STXBP6: variants seen among roughly 807,000 people sequenced by gnomAD.
STXBP6 encodes syntaxin-binding protein 6.
A neutral mutation model predicts 26.9 loss-of-function variants in STXBP6; 21 were observed. The ratio of observed to expected loss-of-function variants is 0.78; its 90% CI spans 0.55 to 1.12. The LOEUF (loss-of-function observed/expected upper bound fraction) is 1.12. STXBP6 is among the 50% of genes most tolerant of loss of function. STXBP6 has a pLI of 0.00. For missense variants in STXBP6, 232 were observed against 257.9 expected, an observed-to-expected ratio of 0.90 and a Z score of 0.69; for synonymous variants, 97 against 92.6, an observed-to-expected ratio of 1.05 and a Z score of -0.27.
intron 1 of STXBP6, among the ~76,000 whole-genome samples, chr14:25,037,247 G>A (rs1411781811): frequency 6.6e-6 from 1 of 152,130 alleles, no homozygotes; most frequent in Non-Finnish European, 1.5e-5. Context: ...GAGAGCTCCT[G>A]GGACTCTGAA....
chr14:24,998,705 G>A (rs1011037799), intron 1 of STXBP6, among the ~76,000 whole-genome samples: 3 of 152,192 alleles, frequency 2.0e-5, no homozygotes, highest in African/African-American at 7.2e-5. Flanking sequence ...AGACACTGAA[G>A]ATGTAAGTGT....
intron 2 of STXBP6, among the ~76,000 whole-genome samples, chr14:24,946,319 T>C (rs2072989462): frequency 6.6e-6 from 1 of 152,068 alleles, no homozygotes; most frequent in Non-Finnish European, 1.5e-5. Flanking sequence ...ATTGAGAATG[T>C]AGAAAAAGAT....
At chr14:24,982,050 C>G (rs2074207263) in intron 1 of STXBP6, among the ~76,000 whole-genome samples, 1 of 152,116 alleles carries the variant, frequency 6.6e-6, no homozygotes. Flanking sequence ...ATATGATTAT[C>G]TCTGGATTTT....
At chr14:25,008,036 T>C (rs2074943179) in intron 1 of STXBP6, among the ~76,000 whole-genome samples, 1 of 152,164 alleles carries the variant, frequency 6.6e-6, no homozygotes, top group South Asian at 2.1e-4. Flanking sequence ...GATGGCTCTG[T>C]CAGCTGGCAC....
At chr14:24,842,681 A>C (rs2068819661) in intron 4 of STXBP6, among the ~76,000 whole-genome samples, 1 of 152,092 alleles carries the variant, frequency 6.6e-6, no homozygotes, top group Admixed American at 6.5e-5. Flanking sequence ...TTTAACCAGC[A>C]AACAAAGGAA....
intron 2 of STXBP6, among the ~76,000 whole-genome samples, chr14:24,923,081 C>T (rs2072037334): frequency 6.6e-6 from 1 of 152,044 alleles, no homozygotes; most frequent in Non-Finnish European, 1.5e-5. Flanking sequence ...ACTGATGTCT[C>T]CATGCATCTA....
chr14:24,831,327 TAGAC>T (rs1337951406), intron 4 of STXBP6, among the ~76,000 whole-genome samples: 5 of 152,230 alleles, frequency 3.3e-5, no homozygotes, highest in Admixed American at 6.5e-5. Context: ...TTTAGCCAGT[TAGAC>T]AGTTAATTTT....
intron 1 of STXBP6, among the ~76,000 whole-genome samples, chr14:24,976,852 C>CTTTTTTTTTTTTTTTTTTTTTTTTTTTT (rs71121808): frequency 2.2e-5 from 1 of 45,276 alleles, no homozygotes; most frequent in African/African-American, 1.1e-4. Context: ...ACTGGGCGCT[C>CTTTTTTTTTTTTTTTTTTTTTTTTTTTT]TTTTTTTTTT....
chr14:24,944,965 G>C (rs1201319789), intron 2 of STXBP6, among the ~76,000 whole-genome samples: 2 of 151,870 alleles, frequency 1.3e-5, no homozygotes, highest in African/African-American at 4.8e-5. Context: ...CTTCCTGTTG[G>C]CAACATGAGA....
At chr14:24,926,377 G>A (rs551043463) in intron 2 of STXBP6, among the ~76,000 whole-genome samples, 1 of 152,200 alleles carries the variant, frequency 6.6e-6, no homozygotes, top group South Asian at 2.1e-4. Flanking sequence ...ATGTTGCTTG[G>A]ACTAGTCCTG....
chr14:24,890,831 T>C (rs2070761409), intron 2 of STXBP6, among the ~76,000 whole-genome samples: 2 of 152,210 alleles, frequency 1.3e-5, no homozygotes, highest in African/African-American at 4.8e-5. Context: ...TATAGAGAGA[T>C]AGGCACAAAC....
At chr14:24,941,754 CCT>C (rs1164791319) in intron 2 of STXBP6, among the ~76,000 whole-genome samples, 1 of 152,224 alleles carries the variant, frequency 6.6e-6, no homozygotes, top group East Asian at 1.9e-4. Context: ...CTGCTTTGGA[CCT>C]CTTTCTTCTT....
chr14:24,902,250 T>C (rs139236930), intron 2 of STXBP6, among the ~76,000 whole-genome samples: 1 of 152,162 alleles, frequency 6.6e-6, no homozygotes, highest in Admixed American at 6.6e-5. Flanking sequence ...TATCCAGTGA[T>C]TGGGGACTAG....
chr14:24,889,570 T>C (rs1429952445), intron 2 of STXBP6, among the ~76,000 whole-genome samples: 1 of 111,732 alleles, frequency 8.9e-6, no homozygotes, highest in Admixed American at 8.3e-5. Flanking sequence ...ATAATAATAA[T>C]AAAATAAAAA....
At chr14:25,028,803 A>G (rs1220703982) in intron 1 of STXBP6, among the ~76,000 whole-genome samples, 1 of 152,118 alleles carries the variant, frequency 6.6e-6, no homozygotes, top group African/African-American at 2.4e-5. Context: ...TTTGTGATTC[A>G]TGGGGGGAGG....
At chr14:24,954,660 G>A (rs751222348) in intron 2 of STXBP6, among the ~76,000 whole-genome samples, 6 of 152,148 alleles carry the variant, frequency 3.9e-5, no homozygotes, top group Non-Finnish European at 5.9e-5. Flanking sequence ...AGTGGCATCC[G>A]GATCCCACTG....
rs985113784 is a variant in STXBP6, at chr14:24,897,774, T to C, written c.155-40617A>G. Among the ~76,000 whole-genome samples, 7 of 152,164 alleles carry C rather than the reference T, an allele frequency of 4.6e-5. 2 individuals are homozygous for C. Among genetic ancestry groups the C allele is most frequent in the Admixed American group, 3.9e-4 (6 of 15,282 alleles). On this transcript the variant is annotated intron_variant, in intron 2 of 5. Coordinates refer to ENST00000323944, the MANE Select transcript of STXBP6 (RefSeq NM_001394410.1). ...AGTCTTTTAAGAGGTGACATATAAG[T>C]GTGGGTAATCAGTACCATGGCTCCT...
chr14:24,957,110 T>C (rs1173455012), intron 2 of STXBP6, among the ~76,000 whole-genome samples: 1 of 152,112 alleles, frequency 6.6e-6, no homozygotes, highest in Non-Finnish European at 1.5e-5. Context: ...ACACACCAAG[T>C]CCATAAGGTA....
chr14:24,850,405 G>A (rs2069109425), intron 4 of STXBP6, among the ~76,000 whole-genome samples: 1 of 152,118 alleles, frequency 6.6e-6, no homozygotes. Flanking sequence ...GAAGGGCTGT[G>A]CATAGAAGCG....
Sources: allele counts gnomAD v4.1 joint callset (sites outside exome capture counted in the v4.1 genomes callset), GRCh38; gene constraint gnomAD v4.1.1; transcripts MANE v1.5; gene names NCBI Gene and HGNC (gene_info 2026-07-23, HGNC 2026-07-21).